Variants in TUSC3 observed in about 807,000 individuals in gnomAD.
The protein encoded by TUSC3 is tumor suppressor candidate 3.
Under a neutral mutation model 44.8 loss-of-function variants are expected in TUSC3, and 45 were observed. The observed-to-expected ratio is 1.00, with a 90% confidence interval of 0.79 to 1.29. The LOEUF (loss-of-function observed/expected upper bound fraction) is 1.29. Ranked by LOEUF, TUSC3 falls within the 50% of genes most tolerant of loss-of-function variation. TUSC3 has a pLI of 0.00. For synonymous variants in TUSC3, 212 were observed against 152.9 expected, an observed-to-expected ratio of 1.39 and a Z score of -2.85; for missense variants, 519 against 437.9, an observed-to-expected ratio of 1.19 and a Z score of -1.65.
chr8:15,466,408 G>A (rs1800415128), intron 1 of TUSC3, among the ~76,000 whole-genome samples: 1 of 152,134 alleles, frequency 6.6e-6, no homozygotes, highest in African/African-American at 2.4e-5. Flanking sequence ...AGTTAATCTG[G>A]TATTTTGAAA....
At chr8:15,510,854 C>G (rs1047969668) in intron 2 of TUSC3, among the ~76,000 whole-genome samples, 1 of 152,116 alleles carries the variant, frequency 6.6e-6, no homozygotes, top group African/African-American at 2.4e-5. Context: ...TTTAATTTAA[C>G]AGTGTATGGA....
upstream of TUSC3, chr8:15,540,193 C>T (rs1050185703): frequency 1.6e-5 from 8 of 503,916 alleles, no homozygotes; most frequent in Non-Finnish European, 2.6e-5. Flanking sequence ...CTGGCTCCCT[C>T]GCCACGCCCA....
chr8:15,764,607 T>G lies in TUSC3; in HGVS notation c.*451T>G, dbSNP rs953356459. On this transcript the variant is annotated 3_prime_UTR_variant, in exon 11 of 11. Transcript: ENST00000503731. ...GGGATAAAGCAAATGCATGAAAATATGTCATGTACTGAAAATTAAACTTAC... is the reference window on the plus strand; with the variant it reads ...GGGATAAAGCAAATGCATGAAAATAGGTCATGTACTGAAAATTAAACTTAC... The G allele has an allele frequency of 4.7e-5, 9 of 190,194 alleles. No homozygotes were observed. The highest frequency in any genetic ancestry group is 2.1e-4 in the African/African-American group (9 of 42,146). 11.8% of individuals were successfully genotyped at this position (190,194 alleles called of 1,614,324 possible). A position where few individuals can be genotyped will look rare whatever the true frequency, so the allele number is the denominator to read the frequency against.
At chr8:15,498,525 C>T (rs6530877) in intron 2 of TUSC3, among the ~76,000 whole-genome samples, 37,798 of 151,994 alleles carry the variant, frequency 0.25, 5,091 homozygotes, top group Non-Finnish European at 0.31. Context: ...AGGATCCTAG[C>T]GATGAATTTG....
At chr8:15,436,696 C>CA (rs111253316) in intron 1 of TUSC3, among the ~76,000 whole-genome samples, 2,971 of 150,814 alleles carry the variant, frequency 0.02, 106 homozygotes, top group African/African-American at 0.069. Flanking sequence ...AGAACTTTCA[C>CA]AAAAAAAATA....
At chr8:15,580,904 G>A (rs1428800340) in intron 1 of TUSC3, among the ~76,000 whole-genome samples, 3 of 136,268 alleles carry the variant, frequency 2.2e-5, no homozygotes, top group South Asian at 2.4e-4. Context: ...ATAATATCCT[G>A]CAGAGTGTTT....
the TUSC3 span, among the ~76,000 whole-genome samples, chr8:15,851,108 G>C: frequency 6.6e-6 from 1 of 152,170 alleles, no homozygotes; most frequent in Non-Finnish European, 1.5e-5. Context: ...ACCTTAATGG[G>C]AGCTCAACAT....
intron 1 of TUSC3, among the ~76,000 whole-genome samples, chr8:15,418,953 C>T (rs568593876): frequency 2.0e-5 from 3 of 152,070 alleles, no homozygotes; most frequent in Non-Finnish European, 2.9e-5. Flanking sequence ...CTGCAGTGAG[C>T]CATGATCAAA....
At chr8:15,641,668 G>C (rs1806377905) in intron 2 of TUSC3, among the ~76,000 whole-genome samples, 1 of 152,142 alleles carries the variant, frequency 6.6e-6, no homozygotes, top group Non-Finnish European at 1.5e-5. Flanking sequence ...ATGCTAAAAA[G>C]GGGAAAATAA....
chr8:15,806,345 T>C, the TUSC3 span: 1 of 729,376 alleles, frequency 1.4e-6, no homozygotes, highest in Non-Finnish European at 2.6e-6. Flanking sequence ...TTATGATTTC[T>C]TCTACTCTGC....
intron 2 of TUSC3, among the ~76,000 whole-genome samples, chr8:15,626,109 C>G (rs11993337): frequency 0.038 from 5,782 of 152,196 alleles, 154 homozygotes; most frequent in African/African-American, 0.078. Flanking sequence ...GCACCGTGCC[C>G]CCTGTGCCCT....
At chr8:15,783,832 C>T in the TUSC3 span, among the ~76,000 whole-genome samples, 1 of 151,928 alleles carries the variant, frequency 6.6e-6, no homozygotes, top group East Asian at 1.9e-4. Context: ...ACAGGACAGG[C>T]AACAAAAGCA....
At chr8:15,614,091 C>T (rs1253945304) in intron 1 of TUSC3, among the ~76,000 whole-genome samples, 5 of 150,884 alleles carry the variant, frequency 3.3e-5, no homozygotes, top group African/African-American at 7.3e-5. Flanking sequence ...TTTTTTCTCC[C>T]CTAAAGACTT....
chr8:15,609,561 T>C (rs1270856123), intron 1 of TUSC3, among the ~76,000 whole-genome samples: 1 of 152,088 alleles, frequency 6.6e-6, no homozygotes, highest in African/African-American at 2.4e-5. Flanking sequence ...CAGAAGCTAA[T>C]GCAGTGGTGG....
rs547888455 is a variant in TUSC3, at chr8:15,604,232, C to G, written c.139-18848C>G. Among the ~76,000 whole-genome samples the G allele has an allele frequency of 8.6e-5, 13 of 151,468 alleles. No individual in the cohort carries two copies. The South Asian group carries it at 2.7e-3, about 31-fold the overall frequency. On this transcript the variant is annotated intron_variant, in intron 1 of 10. Coordinates refer to ENST00000503731, the MANE Select transcript of TUSC3 (RefSeq NM_006765.4). ...TTTATGTACCTGTTTATGGGTGCGT[C>G]TTTATACACATAAAGATAGATTTGA...
chr8:15,612,194 G>A (rs1002011563), intron 1 of TUSC3, among the ~76,000 whole-genome samples: 9 of 152,090 alleles, frequency 5.9e-5, no homozygotes, highest in Non-Finnish European at 1.2e-4. Flanking sequence ...CAGATAGCAG[G>A]TACCTGAATA....
At chr8:15,632,149 A>G (rs1805799797) in intron 2 of TUSC3, among the ~76,000 whole-genome samples, 2 of 152,152 alleles carry the variant, frequency 1.3e-5, no homozygotes, top group Admixed American at 6.5e-5. Flanking sequence ...CCGCACCCCC[A>G]TGCCATGTGA....
At chr8:15,495,956 A>G (rs1023881097) in intron 2 of TUSC3, among the ~76,000 whole-genome samples, 2 of 152,128 alleles carry the variant, frequency 1.3e-5, no homozygotes, top group East Asian at 1.9e-4. Context: ...TCTACCTTGC[A>G]TTTAATAAAA....
intron 1 of TUSC3, among the ~76,000 whole-genome samples, chr8:15,463,341 TAAAATC>T (rs1307543749): frequency 1.3e-5 from 2 of 152,130 alleles, no homozygotes; most frequent in East Asian, 3.8e-4. Flanking sequence ...CATCATAAAT[TAAAATC>T]AGAGGAATTT....
Sources: gnomAD v4.1 joint callset for allele counts (sites outside exome capture counted in the v4.1 genomes callset) on GRCh38, gnomAD v4.1.1 for gene constraint, MANE v1.5 for transcripts, NCBI Gene and HGNC (gene_info 2026-07-23, HGNC 2026-07-21) for gene names.